PGLYRP1: variants seen among roughly 807,000 people sequenced by gnomAD.
PGLYRP1 encodes the protein peptidoglycan recognition protein 1.
PGLYRP1 carries 18 observed loss-of-function variants against 16.3 expected under a neutral mutation model. That is an observed-to-expected ratio of 1.11 (90% CI 0.77 to 1.64). The LOEUF is 1.64. Among genes scored for constraint, PGLYRP1 ranks in the 40% most tolerant of loss-of-function variants. PGLYRP1 has a pLI of 0.00. For synonymous variants in PGLYRP1, 89 were observed against 105.7 expected (o/e 0.84, Z 0.97); for missense variants, 261 against 268.6 (o/e 0.97, Z 0.20).
In PGLYRP1 at chr19:46,022,860, T is replaced by G; in HGVS notation, c.162A>C (p.Leu54Phe). The G allele has an allele frequency of 6.2e-7, 1 of 1,613,380 alleles. No homozygotes were observed. The highest frequency in any genetic ancestry group is 1.7e-5 in the Admixed American group (1 of 59,880). ...SECAQHLSLP[L>F]RYVVVSHTAG... Reference sequence around the variant, plus strand: ...CCGTGTGCGATACCACCACATAGCGTAAGGGCAGGCTCAGGTGCTGGGCGC... The same window carrying G: ...CCGTGTGCGATACCACCACATAGCGGAAGGGCAGGCTCAGGTGCTGGGCGC... The change falls in exon 1 of 3, where the codon TTA becomes TTC. Residue 54 changes from leucine (L) to phenylalanine (F), a missense_variant. By Grantham distance (22) the Leu-to-Phe change is conservative. Coordinates refer to ENST00000008938, the MANE Select transcript of PGLYRP1 (RefSeq NM_005091.3).
chr19:46,020,188 A>G (rs1969029712), intron 1 of PGLYRP1, among the ~76,000 whole-genome samples: 1 of 150,460 alleles, frequency 6.6e-6, no homozygotes, highest in Non-Finnish European at 1.5e-5. Context: ...AGCTCACCGC[A>G]ACCTCTGCCT....
In PGLYRP1 at chr19:46,022,898, G is replaced by A. The variant is rs1244014929; in HGVS notation, c.124C>T (p.Leu42=). ...AGGTGCTGGGCGCACTCTGATGCCA[G>A]GGCCTTCCACTCGTTCCGGGGCACT... is the stretch of plus-strand genomic sequence containing the variant. ...PIVPRNEWKA[L]ASECAQHLSL... The change falls in exon 1 of 3, where the codon CTG becomes TTG. Residue 42 remains leucine, a synonymous_variant. Transcript: ENST00000008938. 6.2e-7 allele frequency: 1 copy of A among 1,613,130 alleles called. No homozygotes were observed. Among genetic ancestry groups the A allele is most frequent in the African/African-American group, 1.3e-5 (1 of 74,940 alleles).
chr19:46,022,383 C>T (rs1254526838), intron 1 of PGLYRP1, among the ~76,000 whole-genome samples: 2 of 152,252 alleles, frequency 1.3e-5, no homozygotes, highest in Admixed American at 1.3e-4. Flanking sequence ...CTGAGTCAGC[C>T]TGGTTTTCCG....
At chr19:46,021,768 C>T (rs548141540) in intron 1 of PGLYRP1, among the ~76,000 whole-genome samples, 1 of 152,184 alleles carries the variant, frequency 6.6e-6, no homozygotes, top group Non-Finnish European at 1.5e-5. Context: ...CACTGTGGTC[C>T]ACAAAGCCCT....
Position 46,019,479 on chromosome 19 carries a change from A to AG in PGLYRP1, c.409+46dup, listed in dbSNP as rs747942883. 6.2e-6 allele frequency: 10 copies of AG among 1,612,604 alleles called. No individual in the cohort carries two copies. The Admixed American group carries it at 1.2e-4, about 19-fold the overall frequency. ...TTCCCCGAAGGGGAAGTGATAGCGT[A>AG]GGGCCCCGTGTCAGCCCCCATCCCA... On this transcript the variant is annotated intron_variant, in intron 2 of 2. Transcript: ENST00000008938. This position sits in a 1 kb window ranked among gnomAD's most constrained non-coding sequence, Gnocchi z 4.8.
chr19:46,022,173 T>C (rs1969051311), intron 1 of PGLYRP1, among the ~76,000 whole-genome samples: 1 of 152,230 alleles, frequency 6.6e-6, no homozygotes, highest in Admixed American at 6.5e-5. Flanking sequence ...ACATAGTAGG[T>C]GCCTAATGGT....
Position 46,019,274 on chromosome 19 carries a change from G to A in PGLYRP1, c.555C>T (p.His185=), listed in dbSNP as rs149507848. 8.1e-6 allele frequency: 13 copies of A among 1,613,840 alleles called. No individual in the cohort carries two copies. In the Admixed American group the frequency reaches 1.7e-4, roughly 21 times the overall value. ...RTLSPGNQLY[H]LIQNWPHYRS... is the part of the protein sequence containing the mutation. ...GGTAGTGTGGCCAATTCTGGATGAGGTGGTAGAGCTGGTTGCCTGGAGAGA... is the reference window on the plus strand; with the variant it reads ...GGTAGTGTGGCCAATTCTGGATGAGATGGTAGAGCTGGTTGCCTGGAGAGA... The change falls in exon 3 of 3, where the codon CAC becomes CAT. Residue 185 remains histidine (H), a synonymous_variant. Coordinates refer to ENST00000008938, the MANE Select transcript of PGLYRP1 (RefSeq NM_005091.3). The surrounding 1 kb of genome is among the most constrained non-coding windows in gnomAD (Gnocchi z 4.8).
chr19:46,020,879 T>TGGGA (rs1270834743), intron 1 of PGLYRP1, among the ~76,000 whole-genome samples: 1 of 152,168 alleles, frequency 6.6e-6, no homozygotes, highest in African/African-American at 2.4e-5. Context: ...TGCTGGCTGC[T>TGGGA]GGGACTGGCT....
rs1330684253 is a variant in PGLYRP1, at chr19:46,022,750, C to T, written c.272G>A (p.Cys91Tyr). Residue 91 changes from cysteine to tyrosine, a missense_variant, in exon 1 of 3, where the codon TGC becomes TAC. Cys to Tyr is a radical substitution (Grantham distance 194, BLOSUM62 -2). Transcript: ENST00000008938. Reference sequence around the variant, plus strand: ...CCACACTCACTTGTAGCCCACGTCGCACCAGCCCAGTGTCTTCATGTGGTA... The same window carrying T: ...CCACACTCACTTGTAGCCCACGTCGTACCAGCCCAGTGTCTTCATGTGGTA... ...QHYHMKTLGW[C>Y]DVGYNFLIGE... 3.1e-6 allele frequency: 5 copies of T among 1,614,102 alleles called. No individual in the cohort carries two copies. The highest frequency in any genetic ancestry group is 4.2e-6 in the Non-Finnish European group (5 of 1,180,040).
At position 46,019,443 on chromosome 19, in the gene PGLYRP1, C is replaced by A; in HGVS notation, c.410-24G>T. ...ATCTGGAGGAGGCAGAGGTAGGAGT[C>A]AGGCAGGGGCTTCCCCGAAGGGGAA... On this transcript the variant is annotated intron_variant, in intron 2 of 2. Coordinates refer to ENST00000008938, the MANE Select transcript of PGLYRP1 (RefSeq NM_005091.3). The surrounding 1 kb of genome is among the most constrained non-coding windows in gnomAD (Gnocchi z 4.8). 1 of 1,612,244 alleles carries A rather than the reference C, an allele frequency of 6.2e-7. No homozygotes were observed. Among genetic ancestry groups the A allele is most frequent in the Non-Finnish European group, 8.5e-7 (1 of 1,179,132 alleles).
chr19:46,022,636 GC>G, intron 1 of PGLYRP1, 98 bp downstream of exon 1: 1 of 1,342,456 alleles, frequency 7.4e-7, no homozygotes. Context: ...CAGCCAGGTG[GC>G]CTCAGCACCA....
chr19:46,020,103 G>T (rs1273536908), intron 1 of PGLYRP1, among the ~76,000 whole-genome samples: 7 of 136,740 alleles, frequency 5.1e-5, no homozygotes, highest in Admixed American at 7.2e-5. Flanking sequence ...CTGAGGCAGA[G>T]ACTTTTTTTT....
At chr19:46,020,611 C>G (rs984319097) in intron 1 of PGLYRP1, among the ~76,000 whole-genome samples, 1 of 152,142 alleles carries the variant, frequency 6.6e-6, no homozygotes, top group African/African-American at 2.4e-5. Context: ...ACCCTGGAGC[C>G]CCAGCACCTG....
Position 46,019,631 on chromosome 19 carries a change from C to T in PGLYRP1, c.304G>A (p.Asp102Asn), listed in dbSNP as rs1259375632. ...CCACGGCCCTCGTATACGAGCCCGT[C>T]TTCTCCAATCAGGAAGCTGCATGGG... ...DVGYNFLIGE[D>N]GLVYEGRGWN... Residue 102 changes from aspartate to asparagine, a missense_variant, in exon 2 of 3, where the codon GAC becomes AAC. By Grantham distance (23) the Asp-to-Asn change is conservative. Transcript: ENST00000008938. This position sits in a 1 kb window ranked among gnomAD's most constrained non-coding sequence, Gnocchi z 4.8. 1 of 1,613,524 alleles carries T rather than the reference C, an allele frequency of 6.2e-7. No individual in the cohort carries two copies. The highest frequency in any genetic ancestry group is 8.5e-7 in the Non-Finnish European group (1 of 1,179,898).
chr19:46,022,742 C>T lies in PGLYRP1; in HGVS notation c.280G>A (p.Gly94Ser). ...CCCCCCTGCCACACTCACTTGTAGC[C>T]CACGTCGCACCAGCCCAGTGTCTTC... ...HMKTLGWCDV[G>S]YNFLIGEDGL... Residue 94 changes from glycine to serine, a missense_variant, in exon 1 of 3, where the codon GGC (glycine) becomes AGC (serine). Coordinates refer to ENST00000008938, the MANE Select transcript of PGLYRP1 (RefSeq NM_005091.3). 6.2e-7 allele frequency: 1 copy of T among 1,614,180 alleles called. No individual in the cohort carries two copies. Among genetic ancestry groups the T allele is most frequent in the Admixed American group, 1.7e-5 (1 of 60,010 alleles).
At position 46,023,006 on chromosome 19, in the gene PGLYRP1, T is replaced by C. The variant is rs1369275472; in HGVS notation, c.16A>G (p.Met6Val). 1.3e-6 allele frequency: 2 copies of C among 1,564,346 alleles called. No homozygotes were observed. Among genetic ancestry groups the C allele is most frequent in the African/African-American group, 1.4e-5 (1 of 73,468 alleles). MSRRSMLLAWALPSLL... is the reference protein window; with the variant it reads MSRRSVLLAWALPSLL... ...CTGGGGAGAGCCCAGGCAAGCAGCA[T>C]AGAGCGGCGGGACATAGTGGCAGGG... Residue 6 changes from methionine to valine, a missense_variant, in exon 1 of 3, where the codon ATG becomes GTG. By Grantham distance (21) the Met-to-Val change is conservative. Coordinates refer to ENST00000008938, the MANE Select transcript of PGLYRP1 (RefSeq NM_005091.3).
At position 46,019,704 on chromosome 19, in the gene PGLYRP1, C is replaced by T; in HGVS notation, c.288-57G>A. On this transcript the variant is annotated intron_variant, in intron 1 of 2. Transcript: ENST00000008938. The surrounding 1 kb of genome is among the most constrained non-coding windows in gnomAD (Gnocchi z 4.8). ...GAGGGAGGGTTTCCCGAGGAGGACT[C>T]CTCCTCCTTCCTCCACTCACCCTGC... The T allele has an allele frequency of 5.8e-6, 9 of 1,544,632 alleles. No individual in the cohort carries two copies. The highest frequency in any genetic ancestry group is 1.2e-5 in the South Asian group (1 of 85,256).
rs1354819980 is a variant in PGLYRP1 at position 46,019,625 on chromosome 19, G to A, written c.310C>T (p.Leu104Phe). The A allele has an allele frequency of 1.2e-6, 2 of 1,613,724 alleles. No individual in the cohort carries two copies. Among genetic ancestry groups the A allele is most frequent in the Admixed American group, 1.7e-5 (1 of 60,008 alleles). Reference protein sequence around the residue: ...GYNFLIGEDGLVYEGRGWNFT... With the variant: ...GYNFLIGEDGFVYEGRGWNFT... ...TTCCAGCCACGGCCCTCGTATACGA[G>A]CCCGTCTTCTCCAATCAGGAAGCTG... Residue 104 changes from leucine (L) to phenylalanine (F), a missense_variant, in exon 2 of 3, where the codon CTC becomes TTC. Leu to Phe is a conservative substitution (Grantham distance 22). Transcript: ENST00000008938. The surrounding 1 kb of genome is among the most constrained non-coding windows in gnomAD (Gnocchi z 4.8).
In PGLYRP1 at chr19:46,019,726, C is replaced by G; in HGVS notation, c.288-79G>C. ...ACTCCTCCTCCTTCCTCCACTCACC[C>G]TGCCTCCGTTACTGCCGTGGTGCAC... On this transcript the variant is annotated intron_variant, in intron 1 of 2. Coordinates refer to ENST00000008938, the MANE Select transcript of PGLYRP1 (RefSeq NM_005091.3). The surrounding 1 kb of genome is among the most constrained non-coding windows in gnomAD (Gnocchi z 4.8). The G allele has an allele frequency of 6.8e-7, 1 of 1,472,690 alleles. No homozygotes were observed. Among genetic ancestry groups the G allele is most frequent in the Non-Finnish European group, 9.2e-7 (1 of 1,090,756 alleles). 91.2% of individuals were successfully genotyped at this position (1,472,690 alleles called of 1,614,324 possible).
Sources: allele counts gnomAD v4.1 joint callset (sites outside exome capture counted in the v4.1 genomes callset), GRCh38; gene constraint gnomAD v4.1.1; non-coding constraint Gnocchi (gnomAD v3.1); transcripts MANE v1.5; gene names NCBI Gene and HGNC (gene_info 2026-07-23, HGNC 2026-07-21).